PIK3R1: variants seen among roughly 807,000 people sequenced by gnomAD.
The protein encoded by PIK3R1 is phosphoinositide-3-kinase regulatory subunit 1, also known as phosphatidylinositol 3-kinase regulatory subunit alpha.
In PIK3R1, 29 loss-of-function variants were observed where a neutral mutation model predicts 98.0. The observed-to-expected ratio is 0.30, with a 90% confidence interval of 0.22 to 0.40. The LOEUF (loss-of-function observed/expected upper bound fraction) is 0.40. PIK3R1 is among the 10% of genes least tolerant of loss of function. PIK3R1 has a pLI of 1.00. For synonymous variants in PIK3R1, 282 were observed against 311.8 expected (o/e 0.90, Z 1.01); for missense variants, 596 against 872.7 (o/e 0.68, Z 3.99).
At chr5:68,233,785 G>T (rs182396294) in intron 2 of PIK3R1, among the ~76,000 whole-genome samples, 16 of 152,152 alleles carry the variant, frequency 1.1e-4, no homozygotes, top group Non-Finnish European at 1.9e-4. Context: ...CAAATCAGCT[G>T]CAAACCTTTG....
At chr5:68,281,058 T>TC in intron 7 of PIK3R1, 52 bp downstream of exon 7, 6 of 1,228,986 alleles carry the variant, frequency 4.9e-6, no homozygotes, top group African/African-American at 1.5e-5. Flanking sequence ...TTTTAGAGCC[T>TC]TAAAAAATGA....
chr5:68,235,883 T>C (rs1744646257), intron 2 of PIK3R1, among the ~76,000 whole-genome samples: 2 of 150,642 alleles, frequency 1.3e-5, no homozygotes, highest in African/African-American at 2.5e-5. Context: ...TTTTTTTTTT[T>C]CTTTTTTTTT....
At chr5:68,255,212 A>T (rs1203400811) in intron 2 of PIK3R1, among the ~76,000 whole-genome samples, 1 of 152,186 alleles carries the variant, frequency 6.6e-6, no homozygotes, top group Non-Finnish European at 1.5e-5. Flanking sequence ...CAAAGTACTC[A>T]CTTTTTGGTC....
chr5:68,295,263 C>T lies in PIK3R1; in HGVS notation c.1684C>T (p.Arg562Cys), dbSNP rs768613622. The part of the protein sequence containing the change: ...QAAEYREIDK[R>C]MNSIKPDLIQ... ...AGCTGAGTATCGAGAAATTGACAAA[C>T]GTATGAACAGCATTAAACCAGACCT... Residue 562 changes from arginine to cysteine, a missense_variant, in exon 13 of 16, where the codon CGT becomes TGT. Physicochemically the swap from Arg to Cys is radical, Grantham distance 180 (BLOSUM62 -3). Transcript: ENST00000521381. 7 of 1,613,912 alleles carry T rather than the reference C, an allele frequency of 4.3e-6. No individual in the cohort carries two copies. Among genetic ancestry groups the T allele is most frequent in the Non-Finnish European group, 4.2e-6 (5 of 1,179,950 alleles).
intron 2 of PIK3R1, among the ~76,000 whole-genome samples, chr5:68,268,084 T>TTATA (rs377443716): frequency 6.6e-6 from 1 of 151,814 alleles, no homozygotes. Context: ...CCTGTCATGT[T>TTATA]TATATATATA....
At chr5:68,231,498 A>C (rs7713645) in intron 2 of PIK3R1, among the ~76,000 whole-genome samples, 88,206 of 152,034 alleles carry the variant, frequency 0.58, 26,993 homozygotes, top group African/African-American at 0.78. Context: ...GTTATTGTTA[A>C]ATTTTTCACA....
At chr5:68,282,462 G>A (rs1342864522) in intron 7 of PIK3R1, among the ~76,000 whole-genome samples, 1 of 152,158 alleles carries the variant, frequency 6.6e-6, no homozygotes, top group Admixed American at 6.5e-5. Context: ...AGAGAGAGGA[G>A]ACACATGGAA....
intron 14 of PIK3R1, 35 bp from the exon 15 acceptor site, chr5:68,296,136 T>G (rs776492052): frequency 1.9e-6 from 3 of 1,609,852 alleles, no homozygotes; most frequent in African/African-American, 2.7e-5. Flanking sequence ...GCTCCTGCAC[T>G]CTTCATTTAG....
chr5:68,237,452 A>G (rs1301949188), intron 2 of PIK3R1, among the ~76,000 whole-genome samples: 1 of 152,166 alleles, frequency 6.6e-6, no homozygotes, highest in Non-Finnish European at 1.5e-5. Flanking sequence ...GGGTAAGGGA[A>G]AGGCACAGGT....
rs758929943 is a variant in PIK3R1 at position 68,279,603 on chromosome 5, T to A, written c.504T>A (p.Asp168Glu). The stretch of plus-strand genomic sequence containing the variant: ...AATATTTCTTAAATTGTTTCCTAGA[T>A]ACACCCTCCGTGGACTTGGAAATGA... ...LAELRQLLDC[D>E]TPSVDLEMID... Residue 168 changes from aspartate to glutamate, a missense_variant and splice_region_variant, in exon 5 of 16, where the codon GAT (aspartate) becomes GAA (glutamate). Around this residue, in one of 3 missense-constraint regions of PIK3R1, gnomAD observed 352 missense variants for 393.3 expected, o/e 0.90. Coordinates refer to ENST00000521381, the MANE Select transcript of PIK3R1 (RefSeq NM_181523.3). The A allele has an allele frequency of 7.7e-5, 125 of 1,612,924 alleles. No individual in the cohort carries two copies. Among genetic ancestry groups the A allele is most frequent in the Non-Finnish European group, 1.0e-4 (122 of 1,179,218 alleles).
chr5:68,255,557 A>G lies in PIK3R1; in HGVS notation c.335-17833A>G, dbSNP rs374076643. On this transcript the variant is annotated intron_variant, in intron 2 of 15. Transcript: ENST00000521381. ...GGGAAATGAGTTAGTGATTTTGTGAAGATAATGGGAGTTGAGGAAAACACT... is the reference window on the plus strand; with the variant it reads ...GGGAAATGAGTTAGTGATTTTGTGAGGATAATGGGAGTTGAGGAAAACACT... Among the ~76,000 whole-genome samples the G allele has an allele frequency of 1.1e-4, 16 of 152,298 alleles. No individual in the cohort carries two copies. In the East Asian group the frequency reaches 3.1e-3, roughly 29 times the overall value.
chr5:68,292,182 A>AGTAAAAGTAT (rs1289975592), intron 7 of PIK3R1, 77 bp from the exon 8 acceptor site: 2 of 824,042 alleles, frequency 2.4e-6, no homozygotes, highest in African/African-American at 1.7e-5. Context: ...ATTTTTTTAA[A>AGTAAAAGTAT]GTAAAAGTAT....
At chr5:68,296,065 G>A (rs1333281094) in intron 14 of PIK3R1, 106 bp from the exon 15 acceptor site, 1 of 1,089,078 alleles carries the variant, frequency 9.2e-7, no homozygotes, top group Admixed American at 2.2e-5. Context: ...GACTGGCTTG[G>A]TAGGGGCCAG....
At chr5:68,295,826 T>G (rs938644366) in intron 14 of PIK3R1, 2 of 451,418 alleles carry the variant, frequency 4.4e-6, no homozygotes, top group African/African-American at 3.9e-5. Context: ...ATACTTTGTT[T>G]GAATTAGTCA....
At chr5:68,292,911 T>C (rs544147232) in intron 8 of PIK3R1, 190 bp from the exon 9 acceptor site, 19 of 680,542 alleles carry the variant, frequency 2.8e-5, no homozygotes, top group African/African-American at 5.4e-5. Context: ...TTAGCTCTTA[T>C]TAGTGAGCTC....
chr5:68,273,126 AG>A (rs1486958929), intron 2 of PIK3R1, among the ~76,000 whole-genome samples: 4 of 152,088 alleles, frequency 2.6e-5, no homozygotes, highest in Non-Finnish European at 4.4e-5. Flanking sequence ...GTACCTAGAC[AG>A]GGGGGTTTGT....
intron 1 of PIK3R1, among the ~76,000 whole-genome samples, chr5:68,223,003 CA>C (rs1182647717): frequency 6.6e-6 from 1 of 152,040 alleles, no homozygotes; most frequent in Admixed American, 6.5e-5. Flanking sequence ...TATCTACACA[CA>C]CACACACATA....
intron 10 of PIK3R1, 79 bp from the exon 11 acceptor site, chr5:68,293,630 T>G: frequency 8.4e-7 from 1 of 1,194,890 alleles, no homozygotes; most frequent in Non-Finnish European, 1.2e-6. Context: ...TTTAAAGATG[T>G]TTCCATGTCA....
At chr5:68,268,995 A>G (rs1168598893) in intron 2 of PIK3R1, among the ~76,000 whole-genome samples, 8 of 152,132 alleles carry the variant, frequency 5.3e-5, no homozygotes, top group Non-Finnish European at 1.5e-5. Flanking sequence ...GCAAAGGGGG[A>G]AAACTAGAAC....
Sources: gnomAD v4.1 joint callset for allele counts (sites outside exome capture counted in the v4.1 genomes callset) on GRCh38, gnomAD v4.1.1 for gene constraint, gnomAD v4.1.1 regional missense constraint, MANE v1.5 for transcripts, NCBI Gene and HGNC (gene_info 2026-07-23, HGNC 2026-07-21) for gene names.